Variants in NPRL3 observed in about 807,000 individuals in gnomAD.
The protein encoded by NPRL3 is GATOR1 complex protein NPRL3.
A neutral mutation model predicts 57.2 loss-of-function variants in NPRL3; 23 were observed. The ratio of observed to expected loss-of-function variants is 0.40; its 90% CI spans 0.29 to 0.57. NPRL3 has a LOEUF of 0.57. NPRL3 is among the 20% of genes least tolerant of loss of function. The probability of loss-of-function intolerance (pLI) is 0.42; values close to 1 mark genes in which losing one functional copy is unlikely to be tolerated. For synonymous variants in NPRL3, 333 were observed against 321.1 expected (o/e 1.04, Z -0.39); for missense variants, 691 against 767.1 (o/e 0.90, Z 1.17).
At chr16:87,014 G>A in intron 13 of NPRL3, 144 bp from the exon 14 acceptor site, 1 of 825,110 alleles carries the variant, frequency 1.2e-6, no homozygotes, top group Non-Finnish European at 1.8e-6. Context: ...AGCCACCACA[G>A]CCCCCCAACA....
intron 6 of NPRL3, among the ~76,000 whole-genome samples, chr16:111,073 T>C (rs1198989797): frequency 6.6e-6 from 1 of 152,040 alleles, no homozygotes; most frequent in Non-Finnish European, 1.5e-5. Flanking sequence ...TTATAATTAG[T>C]ATATAATTGG....
chr16:91,363 C>T (rs138413294), intron 11 of NPRL3, among the ~76,000 whole-genome samples: 171 of 152,240 alleles, frequency 1.1e-3, no homozygotes, highest in Non-Finnish European at 1.9e-3. Flanking sequence ...GACGTGCAAT[C>T]AAAATTAAAT....
chr16:127,051 T>C (rs1244299886), intron 3 of NPRL3: 3 of 152,190 alleles, frequency 2.0e-5, no homozygotes, highest in Non-Finnish European at 4.4e-5. Flanking sequence ...TTTGTATTTT[T>C]GGTAGAGACA....
At chr16:114,598 G>A (rs1485881410) in intron 5 of NPRL3, among the ~76,000 whole-genome samples, 7 of 152,170 alleles carry the variant, frequency 4.6e-5, no homozygotes. Flanking sequence ...TGGATTGGCA[G>A]AGACATAAAG....
chr16:88,773 A>G lies in NPRL3; in HGVS notation c.1469T>C (p.Leu490Pro), dbSNP rs1401753652. The change falls in exon 13 of 14, where the codon CTG becomes CCG. Residue 490 changes from leucine (L) to proline (P), a missense_variant. Physicochemically the swap from Leu to Pro is moderately conservative, Grantham distance 98. Coordinates refer to ENST00000611875, the MANE Select transcript of NPRL3 (RefSeq NM_001077350.3). ...GATGGCTGCGCGTTCATGCTCCGAC[A>G]GGCTGGCCAGCAGGTTCTCCGTCAT... ...QRMTENLLASLSEHERAAILS... is the reference protein window; with the variant it reads ...QRMTENLLASPSEHERAAILS... 2 of 1,613,172 alleles carry G rather than the reference A, an allele frequency of 1.2e-6. No individual in the cohort carries two copies. Among genetic ancestry groups the G allele is most frequent in the African/African-American group, 1.3e-5 (1 of 74,916 alleles).
At chr16:127,816 G>A (rs768283732) in intron 3 of NPRL3, among the ~76,000 whole-genome samples, 5 of 151,222 alleles carry the variant, frequency 3.3e-5, no homozygotes, top group Admixed American at 6.6e-5. Context: ...CACCATGCCC[G>A]GATAACTTTT....
intron 11 of NPRL3, 49 bp downstream of exon 11, chr16:92,547 A>G (rs1247679097): frequency 6.3e-7 from 1 of 1,596,206 alleles, no homozygotes; most frequent in Non-Finnish European, 8.5e-7. Flanking sequence ...GGTAGTGCCT[A>G]TCCACTACAC....
chr16:94,732 C>T (rs1433977967), intron 9 of NPRL3, among the ~76,000 whole-genome samples: 1 of 152,118 alleles, frequency 6.6e-6, no homozygotes, highest in African/African-American at 2.4e-5. Flanking sequence ...CCAATGGCTC[C>T]GCCAACCCCG....
chr16:119,646 T>C (rs138619672), intron 3 of NPRL3, among the ~76,000 whole-genome samples: 194 of 152,350 alleles, frequency 1.3e-3, no homozygotes, highest in African/African-American at 4.0e-3. Flanking sequence ...TCAGGTTTGC[T>C]GTGCTGCACC....
At position 103,185 on chromosome 16, in the gene NPRL3, A is replaced by G. The variant is rs185739317; in HGVS notation, c.630-2676T>C. Among the ~76,000 whole-genome samples the G allele has an allele frequency of 4.4e-3, 668 of 151,132 alleles. 2 individuals are homozygous for G. The highest frequency in any genetic ancestry group is 6.4e-3 in the Non-Finnish European group (436 of 67,830). On this transcript the variant is annotated intron_variant, in intron 7 of 13. Coordinates refer to ENST00000611875, the MANE Select transcript of NPRL3 (RefSeq NM_001077350.3). ...CTGAGACAAGGTCTCACTGTTGCTC[A>G]GGCTGGAGTGCAGTGGCGCCATCTC...
At chr16:134,212 G>A (rs1249271313) in intron 2 of NPRL3, among the ~76,000 whole-genome samples, 1 of 151,946 alleles carries the variant, frequency 6.6e-6, no homozygotes, top group Non-Finnish European at 1.5e-5. Flanking sequence ...AAGTGAGGTA[G>A]GCCCCTATGC....
chr16:87,761 G>A (rs1225588377), intron 13 of NPRL3, among the ~76,000 whole-genome samples: 5 of 149,836 alleles, frequency 3.3e-5, no homozygotes, highest in African/African-American at 1.2e-4. Context: ...TAGTAGAGAC[G>A]GGGTTTCACC....
At chr16:98,381 ATGCACCGGGTATGCACCAGGTCC>A (rs1254784282) in intron 8 of NPRL3, 80 bp from the exon 9 acceptor site, 2 of 1,456,680 alleles carry the variant, frequency 1.4e-6, no homozygotes, top group Non-Finnish European at 1.9e-6. Context: ...TGCACCAGGT[ATGCACCGGGTATGCACCAGGTCC>A]TGCACCAGGT....
chr16:118,094 G>C (rs981697398), intron 4 of NPRL3, among the ~76,000 whole-genome samples: 2 of 152,204 alleles, frequency 1.3e-5, no homozygotes, highest in African/African-American at 4.8e-5. Flanking sequence ...GATGAGAAGG[G>C]AGGGTGCGGT....
chr16:97,027 C>T (rs1217837547), intron 9 of NPRL3, among the ~76,000 whole-genome samples: 1 of 152,218 alleles, frequency 6.6e-6, no homozygotes, highest in Non-Finnish European at 1.5e-5. Context: ...CCCAGGCGGG[C>T]CCACCTCACG....
chr16:88,300 G>A (rs1898587515), intron 13 of NPRL3, among the ~76,000 whole-genome samples: 1 of 151,360 alleles, frequency 6.6e-6, no homozygotes, highest in Non-Finnish European at 1.5e-5. Flanking sequence ...AGAATGGCGT[G>A]AACCCGGGAA....
chr16:129,548 G>T (rs1900696091), intron 3 of NPRL3, among the ~76,000 whole-genome samples: 1 of 152,146 alleles, frequency 6.6e-6, no homozygotes, highest in Non-Finnish European at 1.5e-5. Context: ...CAGGCATGGT[G>T]GCTTATGTAC....
intron 2 of NPRL3, among the ~76,000 whole-genome samples, chr16:133,736 C>T (rs1900923331): frequency 6.6e-6 from 1 of 152,204 alleles, no homozygotes; most frequent in Non-Finnish European, 1.5e-5. Context: ...TGCAAGCAGA[C>T]TAGCTTTTGG....
chr16:112,573 G>T, intron 6 of NPRL3, 49 bp downstream of exon 6: 2 of 1,441,730 alleles, frequency 1.4e-6, no homozygotes, highest in Non-Finnish European at 1.8e-6. Flanking sequence ...GCTGCAGAGA[G>T]GCCACCAGCC....
Sources: gnomAD v4.1 joint callset for allele counts (sites outside exome capture counted in the v4.1 genomes callset) on GRCh38, gnomAD v4.1.1 for gene constraint, MANE v1.5 for transcripts, NCBI Gene and HGNC (gene_info 2026-07-23, HGNC 2026-07-21) for gene names.